Variants in SAR1B observed in about 807,000 individuals in gnomAD.
SAR1B encodes secretion associated Ras related GTPase 1B, also known as small COPII coat GTPase SAR1B.
A neutral mutation model predicts 26.8 loss-of-function variants in SAR1B; 23 were observed. The observed-to-expected ratio is 0.86, with a 90% CI of 0.62 to 1.22. The LOEUF (loss-of-function observed/expected upper bound fraction) is 1.22, where lower values mean the gene tolerates loss of function less well. Among genes scored for constraint, SAR1B ranks in the 50% most tolerant of loss-of-function variants. The probability of loss-of-function intolerance (pLI) is 0.00; values close to 1 mark genes in which losing one functional copy is unlikely to be tolerated. For missense variants in SAR1B, 196 were observed against 232.8 expected (o/e 0.84, Z 1.03); for synonymous variants, 65 against 80.8 (o/e 0.80, Z 1.05).
In SAR1B at chr5:134,606,266, T is replaced by C. The variant is rs1008949535; in HGVS notation, c.*684A>G. On this transcript the variant is annotated 3_prime_UTR_variant, in exon 7 of 7. Coordinates refer to ENST00000402673, the MANE Select transcript of SAR1B (RefSeq NM_016103.4). Reference sequence around the variant, plus strand: ...GGTGCAACTGACCACAACCATCTCATGGTAAATACCTAAGCCTTGAGAGCC... The same window carrying C: ...GGTGCAACTGACCACAACCATCTCACGGTAAATACCTAAGCCTTGAGAGCC... The C allele has an allele frequency of 1.3e-5, 2 of 153,250 alleles. No individual in the cohort carries two copies. The highest frequency in any genetic ancestry group is 2.9e-5 in the Non-Finnish European group (2 of 68,756). The allele number at this position is 153,250 out of a possible 1,614,324, so 9.5% of individuals were successfully genotyped here. A position where few individuals can be genotyped will look rare whatever the true frequency, so the allele number is the denominator to read the frequency against.
chr5:134,611,894 T>C (rs994367260), intron 4 of SAR1B, among the ~76,000 whole-genome samples: 2 of 152,070 alleles, frequency 1.3e-5, no homozygotes, highest in Non-Finnish European at 2.9e-5. Flanking sequence ...CCAGATGTGG[T>C]GGCTCACACC....
intron 1 of SAR1B, 113 bp from the exon 2 acceptor site, chr5:134,624,150 A>G: frequency 1.4e-6 from 1 of 717,384 alleles, no homozygotes; most frequent in Admixed American, 2.0e-5. Context: ...ACTTTACTAC[A>G]AAGAGTTACA....
chr5:134,607,852 T>C (rs1395271105), intron 6 of SAR1B, among the ~76,000 whole-genome samples: 1 of 152,130 alleles, frequency 6.6e-6, no homozygotes, highest in Non-Finnish European at 1.5e-5. Context: ...CTAAAAAAAT[T>C]TTGTAAATCT....
Position 134,612,669 on chromosome 5 carries a change from AAAAAAAAAAAAAGAATC to A in SAR1B, c.244+5_244+21del. ...AAAAAAAAAAAAAAAAAAAAAAAAA[AAAAAAAAAAAAAGAATC>A]TTACCTTGAACATGTCCACCCAGAT... On this transcript the variant is annotated splice_donor_5th_base_variant and intron_variant, in intron 4 of 6. Coordinates refer to ENST00000402673, the MANE Select transcript of SAR1B (RefSeq NM_016103.4). 4 of 1,303,922 alleles carry A rather than the reference AAAAAAAAAAAAAGAATC, an allele frequency of 3.1e-6. No homozygotes were observed. Among genetic ancestry groups the A allele is most frequent in the Non-Finnish European group, 4.1e-6 (4 of 983,274 alleles). The allele number at this position is 1,303,922 out of a possible 1,614,324, so 80.8% of individuals were successfully genotyped here.
At chr5:134,618,641 A>G (rs529755125) in intron 3 of SAR1B, among the ~76,000 whole-genome samples, 8 of 152,380 alleles carry the variant, frequency 5.3e-5, no homozygotes, top group Non-Finnish European at 8.8e-5. Context: ...TACCCACTTT[A>G]ACATTAACTT....
In SAR1B at chr5:134,606,900, A is replaced by G. The variant is rs1218377329; in HGVS notation, c.*50T>C. ...CAAGTTATGCATGTTGAGCAATCAA[A>G]TCTCTGAGTAAGCCTGAACGTTGAG... On this transcript the variant is annotated 3_prime_UTR_variant, in exon 7 of 7. Transcript: ENST00000402673. The G allele has an allele frequency of 8.4e-7, 1 of 1,189,770 alleles. No homozygotes were observed. Among genetic ancestry groups the G allele is most frequent in the African/African-American group, 1.5e-5 (1 of 66,594 alleles). 73.7% of individuals were successfully genotyped at this position (1,189,770 alleles called of 1,614,324 possible).
At chr5:134,627,362 T>C (rs1017847883) in intron 1 of SAR1B, among the ~76,000 whole-genome samples, 4 of 151,428 alleles carry the variant, frequency 2.6e-5, no homozygotes, top group Non-Finnish European at 4.4e-5. Context: ...CTTTTTATTT[T>C]TTTGACAGAG....
intron 1 of SAR1B, among the ~76,000 whole-genome samples, chr5:134,624,858 CCT>C (rs1176586570): frequency 6.6e-6 from 1 of 152,066 alleles, no homozygotes; most frequent in African/African-American, 2.4e-5. Flanking sequence ...CAACTCCTGA[CCT>C]CAAGTGATTC....
chr5:134,611,781 G>C (rs1429012414), intron 4 of SAR1B, among the ~76,000 whole-genome samples: 1 of 152,072 alleles, frequency 6.6e-6, no homozygotes, highest in Non-Finnish European at 1.5e-5. Flanking sequence ...GTGCGGATGG[G>C]GATGGCATGA....
At chr5:134,632,536 A>T (rs1765626759) in intron 1 of SAR1B, among the ~76,000 whole-genome samples, 192 bp downstream of exon 1, 1 of 152,230 alleles carries the variant, frequency 6.6e-6, no homozygotes, top group African/African-American at 2.4e-5. Flanking sequence ...GAGGGCTATC[A>T]GACGGCCCCG....
intron 2 of SAR1B, among the ~76,000 whole-genome samples, chr5:134,622,676 C>T (rs1043311297): frequency 4.6e-5 from 7 of 151,470 alleles, no homozygotes; most frequent in African/African-American, 1.2e-4. Flanking sequence ...TCCAAAAGTG[C>T]TGGGATTACA....
At chr5:134,608,911 C>G (rs956657326) in intron 5 of SAR1B, 3 of 363,724 alleles carry the variant, frequency 8.2e-6, no homozygotes, top group African/African-American at 6.4e-5. Context: ...GTAATACGCA[C>G]AGTCTCTGGA....
intron 1 of SAR1B, 141 bp from the exon 2 acceptor site, chr5:134,624,178 G>A: frequency 1.5e-6 from 1 of 659,014 alleles, no homozygotes; most frequent in Admixed American, 2.2e-5. Flanking sequence ...GGAAGCTGAG[G>A]TGGGTGGATC....
At chr5:134,622,579 T>G (rs2150054690) in intron 2 of SAR1B, among the ~76,000 whole-genome samples, 1 of 151,312 alleles carries the variant, frequency 6.6e-6, no homozygotes, top group East Asian at 2.0e-4. Flanking sequence ...CCTGTCTAAT[T>G]TTTTGTATTT....
intron 1 of SAR1B, chr5:134,631,728 G>A (rs893785980): frequency 1.3e-5 from 2 of 152,200 alleles, no homozygotes; most frequent in East Asian, 1.9e-4. Context: ...AGTTTTAGCT[G>A]TTTTAAAACA....
chr5:134,620,236 G>T (rs1765383051), intron 3 of SAR1B, among the ~76,000 whole-genome samples: 1 of 151,830 alleles, frequency 6.6e-6, no homozygotes, highest in Admixed American at 6.6e-5. Context: ...AACCCGGGAG[G>T]TGGAGCTTAC....
chr5:134,613,737 T>C (rs1765259468), intron 3 of SAR1B: 1 of 152,198 alleles, frequency 6.6e-6, no homozygotes, highest in South Asian at 2.1e-4. Context: ...CATAAGACAG[T>C]CTTTAATTAC....
At chr5:134,622,048 G>C (rs554856819) in intron 2 of SAR1B, among the ~76,000 whole-genome samples, 1 of 152,146 alleles carries the variant, frequency 6.6e-6, no homozygotes, top group South Asian at 2.1e-4. Flanking sequence ...CATGTTTAAT[G>C]GTCTAACCTC....
rs62986962 is a variant in SAR1B, at chr5:134,623,504, TAAAAAAAAA to T, written c.58+449_58+457del. Among the ~76,000 whole-genome samples, 11 of 137,874 alleles carry T rather than the reference TAAAAAAAAA, an allele frequency of 8.0e-5. 1 individual carries two copies. In the South Asian group the frequency reaches 2.5e-3, roughly 31 times the overall value. The allele number at this position is 137,874 out of a possible 152,430, so 90.5% of individuals were successfully genotyped here. A position where few individuals can be genotyped will look rare whatever the true frequency, so the allele number is the denominator to read the frequency against. On this transcript the variant is annotated intron_variant, in intron 2 of 6. Transcript: ENST00000402673. ...TAGCAAGACTCCGTCTCTATAAAAT[TAAAAAAAAA>T]AAAAAAAAGAACTGCTGGGTAAAGA...
Sources: gnomAD v4.1 joint callset for allele counts (sites outside exome capture counted in the v4.1 genomes callset) on GRCh38, gnomAD v4.1.1 for gene constraint, MANE v1.5 for transcripts, NCBI Gene and HGNC (gene_info 2026-07-23, HGNC 2026-07-21) for gene names.